Variants in C10orf90 observed in about 807,000 individuals in gnomAD.
C10orf90 encodes chromosome 10 open reading frame 90, also known as (E2-independent) E3 ubiquitin-conjugating enzyme FATS.
A neutral mutation model predicts 62.5 loss-of-function variants in C10orf90; 56 were observed. The observed-to-expected ratio is 0.90, with a 90% CI of 0.72 to 1.12. The LOEUF (loss-of-function observed/expected upper bound fraction) is 1.12. Among genes scored for constraint, C10orf90 ranks in the 50% most tolerant of loss-of-function variants. C10orf90 has a pLI of 0.00. For synonymous variants in C10orf90, 386 were observed against 340.4 expected (o/e 1.13, Z -1.47); for missense variants, 970 against 880.4 (o/e 1.10, Z -1.29).
At position 126,589,253 on chromosome 10, in the gene C10orf90, G is replaced by C. The variant is rs545581059; in HGVS notation, c.313+57312C>G. Among the ~76,000 whole-genome samples the C allele has an allele frequency of 3.9e-5, 6 of 152,224 alleles. No individual in the cohort carries two copies. In the South Asian group the frequency reaches 1.2e-3, roughly 32 times the overall value. The stretch of plus-strand genomic sequence containing the variant: ...CTGATTGGGGTACCTGAAAGAGATG[G>C]GGAGAACAGAACCAAGTTGGAAAAC... On this transcript the variant is annotated intron_variant, in intron 2 of 9. Coordinates refer to ENST00000488181, the MANE Select transcript of C10orf90 (RefSeq NM_001350921.2).
chr10:126,456,310 T>C lies in C10orf90; in HGVS notation c.2188+2730A>G, dbSNP rs770093250. On this transcript the variant is annotated intron_variant, in intron 7 of 9. Coordinates refer to ENST00000488181, the MANE Select transcript of C10orf90 (RefSeq NM_001350921.2). The surrounding 1 kb of genome is among the most constrained non-coding windows in gnomAD (Gnocchi z 4.9). ...ACACAAACGAACCCAAAAGTAAAGC[T>C]CTCATCGACACATAAATACGGCAGG... 6.6e-6 allele frequency among the ~76,000 whole-genome samples: 1 copy of C among 151,936 alleles called. No individual in the cohort carries two copies. Among genetic ancestry groups the C allele is most frequent in the Non-Finnish European group, 1.5e-5 (1 of 68,012 alleles).
intron 2 of C10orf90, among the ~76,000 whole-genome samples, chr10:126,575,398 C>A (rs1030496817): frequency 5.3e-5 from 8 of 151,776 alleles, no homozygotes; most frequent in African/African-American, 1.9e-4. Flanking sequence ...AGGAAAACTA[C>A]AAAACACTGA....
At chr10:126,593,335 A>G (rs1845019066) in intron 2 of C10orf90, among the ~76,000 whole-genome samples, 3 of 152,250 alleles carry the variant, frequency 2.0e-5, no homozygotes, top group African/African-American at 7.2e-5. Context: ...GTGCATATAC[A>G]CAATAGAATA....
intron 4 of C10orf90, among the ~76,000 whole-genome samples, chr10:126,495,972 C>A (rs1486132450): frequency 6.6e-6 from 1 of 152,170 alleles, no homozygotes; most frequent in East Asian, 1.9e-4. Flanking sequence ...AAAGGACAAG[C>A]AAGCAACTGG....
At chr10:126,486,733 A>G (rs950120620) in intron 4 of C10orf90, among the ~76,000 whole-genome samples, 3 of 152,246 alleles carry the variant, frequency 2.0e-5, no homozygotes, top group African/African-American at 7.2e-5. Context: ...TACAAGTGAA[A>G]CTAGAATTAG....
At chr10:126,526,515 A>T (rs908028310) in intron 2 of C10orf90, among the ~76,000 whole-genome samples, 21 of 152,260 alleles carry the variant, frequency 1.4e-4, no homozygotes, top group Middle Eastern at 3.4e-3. Context: ...AAGTGCTGGG[A>T]TTACAGGTGT....
chr10:126,567,941 G>A (rs1844427127), intron 2 of C10orf90, among the ~76,000 whole-genome samples: 1 of 151,726 alleles, frequency 6.6e-6, no homozygotes. Context: ...AGAAATGAGT[G>A]GTATTGTTTA....
chr10:126,459,112 G>T lies in C10orf90; in HGVS notation c.2116C>A (p.Leu706Met), dbSNP rs756902808. 1.2e-6 allele frequency: 2 copies of T among 1,614,144 alleles called. No homozygotes were observed. The highest frequency in any genetic ancestry group is 1.7e-5 in the Admixed American group (1 of 60,032). The stretch of plus-strand genomic sequence containing the variant: ...GGAAGGAGGCTCTGCTTCTGCCTCA[G>T]GTCCTCCTTCCGCTGGGCTTTCCTC... ...QQRKAQRKED[L>M]RQKQSLLPIR... Residue 706 changes from leucine (L) to methionine (M), a missense_variant, in exon 7 of 10, where the codon CTG (leucine) becomes ATG (methionine). By Grantham distance (15) the Leu-to-Met change is conservative. Coordinates refer to ENST00000488181, the MANE Select transcript of C10orf90 (RefSeq NM_001350921.2).
rs180899182 is a variant in C10orf90 at position 126,487,188 on chromosome 10, C to T, written c.1534+16769G>A. ...AAAAAAGAAAGAAAGAACAAAAGAA[C>T]GACATAGTATAAAACACACCTAATC... is the stretch of plus-strand genomic sequence containing the variant. On this transcript the variant is annotated intron_variant, in intron 4 of 9. Transcript: ENST00000488181. Among the ~76,000 whole-genome samples, 580 of 118,144 alleles carry T rather than the reference C, an allele frequency of 4.9e-3. 9 individuals carry two copies. The highest frequency in any genetic ancestry group is 0.017 in the African/African-American group (524 of 31,036). The allele number at this position is 118,144 out of a possible 152,430, so 77.5% of individuals were successfully genotyped here.
chr10:126,578,525 G>A (rs1256340473), intron 2 of C10orf90, among the ~76,000 whole-genome samples: 1 of 152,190 alleles, frequency 6.6e-6, no homozygotes, highest in Non-Finnish European at 1.5e-5. Context: ...TTCTCAAGTA[G>A]TGCTGCTGGT....
intron 2 of C10orf90, among the ~76,000 whole-genome samples, chr10:126,639,311 G>A (rs1408667422): frequency 6.6e-6 from 1 of 152,174 alleles, no homozygotes; most frequent in African/African-American, 2.4e-5. Context: ...CGCATGATGT[G>A]CGGTTGCTGC....
chr10:126,559,317 TA>T (rs1864849576), intron 2 of C10orf90, among the ~76,000 whole-genome samples: 2 of 152,204 alleles, frequency 1.3e-5, no homozygotes, highest in Admixed American at 1.3e-4. Context: ...TCTTACATAG[TA>T]AAATCCAGTC....
chr10:126,584,354 C>G (rs1388739607), intron 2 of C10orf90, among the ~76,000 whole-genome samples: 1 of 151,744 alleles, frequency 6.6e-6, no homozygotes, highest in Non-Finnish European at 1.5e-5. Context: ...ACCTGTCTGT[C>G]CACCTGTCCA....
intron 4 of C10orf90, among the ~76,000 whole-genome samples, chr10:126,494,270 C>T (rs1861919682): frequency 6.6e-6 from 1 of 152,096 alleles, no homozygotes; most frequent in Non-Finnish European, 1.5e-5. Context: ...ATAAATTTCC[C>T]TTTATTTCAT....
intron 2 of C10orf90, among the ~76,000 whole-genome samples, chr10:126,643,625 G>A (rs1218493021): frequency 2.0e-5 from 3 of 152,140 alleles, no homozygotes; most frequent in Non-Finnish European, 4.4e-5. Context: ...TTGCTGCCAG[G>A]GCCCAAGTAG....
intron 2 of C10orf90, among the ~76,000 whole-genome samples, chr10:126,577,760 C>G (rs1247647228): frequency 1.3e-5 from 2 of 152,026 alleles, no homozygotes; most frequent in Non-Finnish European, 2.9e-5. Context: ...GCTAAAGTTA[C>G]AAAAATTAAG....
intron 2 of C10orf90, among the ~76,000 whole-genome samples, chr10:126,525,483 G>A (rs1013920551): frequency 2.6e-5 from 4 of 152,222 alleles, no homozygotes; most frequent in Non-Finnish European, 2.9e-5. Context: ...GGAGCAGAAT[G>A]TCTAGAGCCC....
intron 4 of C10orf90, among the ~76,000 whole-genome samples, chr10:126,497,091 A>G (rs1389293972): frequency 6.6e-6 from 1 of 152,212 alleles, no homozygotes; most frequent in African/African-American, 2.4e-5. Flanking sequence ...GACACGATCA[A>G]TGTCAAGTGA....
chr10:126,464,496 G>A (rs1860168053), intron 5 of C10orf90, among the ~76,000 whole-genome samples, 200 bp downstream of exon 5: 1 of 152,110 alleles, frequency 6.6e-6, no homozygotes, highest in African/African-American at 2.4e-5. Context: ...GAAAATCCCC[G>A]ACCCACATAG....
Sources: allele counts gnomAD v4.1 joint callset (sites outside exome capture counted in the v4.1 genomes callset), GRCh38; gene constraint gnomAD v4.1.1; non-coding constraint Gnocchi (gnomAD v3.1); transcripts MANE v1.5; gene names NCBI Gene and HGNC (gene_info 2026-07-23, HGNC 2026-07-21).